The following RAB39A variants were observed in gnomAD, a reference collection of about 807,000 sequenced individuals.
RAB39A encodes the protein RAB39A, member RAS oncogene family, also known as ras-related protein Rab-39A.
RAB39A carries 17 observed loss-of-function variants against 20.9 expected under a neutral mutation model. The observed-to-expected ratio is 0.81, with a 90% CI of 0.56 to 1.22. The LOEUF (loss-of-function observed/expected upper bound fraction) is 1.22, where lower values mean the gene tolerates loss of function less well. Among genes scored for constraint, RAB39A ranks in the 50% most tolerant of loss-of-function variants. The pLI, the probability that RAB39A is intolerant of heterozygous loss-of-function variation, is 0.00. For synonymous variants in RAB39A, 99 were observed against 103.4 expected (o/e 0.96, Z 0.26); for missense variants, 234 against 270.5 (o/e 0.87, Z 0.95).
Position 107,962,223 on chromosome 11 carries a change from A to G in RAB39A, c.505A>G (p.Thr169Ala). The G allele has an allele frequency of 2.5e-6, 4 of 1,614,090 alleles. No individual in the cohort carries two copies. The highest frequency in any genetic ancestry group is 3.4e-6 in the Non-Finnish European group (4 of 1,179,974). ...TGCTACAAATGTTGAAGAATCCTTCACAATCTTGACGAGAGACATATATGA... is the reference window on the plus strand; with the variant it reads ...TGCTACAAATGTTGAAGAATCCTTCGCAATCTTGACGAGAGACATATATGA... The part of the protein sequence containing the change: ...KDATNVEESF[T>A]ILTRDIYELI... The change falls in exon 2 of 2, where the codon ACA becomes GCA. Residue 169 changes from threonine (T) to alanine (A), a missense_variant. Transcript: ENST00000320578.
chr11:107,943,913 G>A (rs1861283905), intron 1 of RAB39A, among the ~76,000 whole-genome samples: 3 of 152,064 alleles, frequency 2.0e-5, no homozygotes, highest in Admixed American at 2.0e-4. Context: ...TGGCCAACAT[G>A]GTGAAACCCC....
Position 107,928,465 on chromosome 11 carries a change from G to T in RAB39A, c.-104G>T. 1 of 845,176 alleles carries T rather than the reference G, an allele frequency of 1.2e-6. No individual in the cohort carries two copies. Among genetic ancestry groups the T allele is most frequent in the Non-Finnish European group, 1.6e-6 (1 of 608,778 alleles). 52.4% of individuals were successfully genotyped at this position (845,176 alleles called of 1,614,324 possible). ...GCGGCCGCAGCCGCAGGAATATGCT[G>T]GAAGGCGGCGGGCGGGCGCCCGCGA... On this transcript the variant is annotated 5_prime_UTR_variant, in exon 1 of 2. Coordinates refer to ENST00000320578, the MANE Select transcript of RAB39A (RefSeq NM_017516.3). This position sits in a 1 kb window ranked among gnomAD's most constrained non-coding sequence, Gnocchi z 4.9.
chr11:107,942,792 G>GGT lies in RAB39A; in HGVS notation c.227+14014_227+14015dup, dbSNP rs151233116. On this transcript the variant is annotated intron_variant, in intron 1 of 1. Transcript: ENST00000320578. Reference sequence around the variant, plus strand: ...CAAGTTTTAATGGCATGTTGTATGGGGTGTGTGTGTGTGTGTGTATGTCTC... The same window carrying GGT: ...CAAGTTTTAATGGCATGTTGTATGGGGTGTGTGTGTGTGTGTGTGTATGTCTC... 2.8e-3 allele frequency among the ~76,000 whole-genome samples: 427 copies of GGT among 150,448 alleles called. 1 individual carries two copies. Among genetic ancestry groups the GGT allele is most frequent in the African/African-American group, 7.4e-3 (305 of 41,144 alleles).
intron 1 of RAB39A, among the ~76,000 whole-genome samples, chr11:107,959,727 G>A (rs1861476259): frequency 6.6e-6 from 1 of 152,198 alleles, no homozygotes; most frequent in East Asian, 1.9e-4. Context: ...GAACTGAGCT[G>A]TGATTTCAGC....
chr11:107,962,543 C>G lies in RAB39A; in HGVS notation c.*171C>G. ...AGCATGATGCTTACTTGTTACACTACTAGATTGGGTATTTTGCTAAATTAC... is the reference window on the plus strand; with the variant it reads ...AGCATGATGCTTACTTGTTACACTAGTAGATTGGGTATTTTGCTAAATTAC... On this transcript the variant is annotated 3_prime_UTR_variant, in exon 2 of 2. Coordinates refer to ENST00000320578, the MANE Select transcript of RAB39A (RefSeq NM_017516.3). 1.7e-6 allele frequency: 1 copy of G among 582,274 alleles called. No individual in the cohort carries two copies. The highest frequency in any genetic ancestry group is 2.8e-6 in the Non-Finnish European group (1 of 360,736). 36.1% of individuals were successfully genotyped at this position (582,274 alleles called of 1,614,324 possible). A position where few individuals can be genotyped will look rare whatever the true frequency, so the allele number is the denominator to read the frequency against.
At chr11:107,958,766 C>A (rs999983703) in intron 1 of RAB39A, among the ~76,000 whole-genome samples, 2 of 151,892 alleles carry the variant, frequency 1.3e-5, no homozygotes, top group African/African-American at 4.8e-5. Context: ...AAATTAAATA[C>A]AATCAGTTAA....
intron 1 of RAB39A, among the ~76,000 whole-genome samples, chr11:107,952,581 C>G (rs4028254): frequency 0.098 from 14,802 of 150,736 alleles, 961 homozygotes; most frequent in Non-Finnish European, 0.15. Flanking sequence ...AACTCTGTCT[C>G]AAAAATAAAA....
At chr11:107,947,906 A>G (rs2134965133) in intron 1 of RAB39A, among the ~76,000 whole-genome samples, 1 of 152,112 alleles carries the variant, frequency 6.6e-6, no homozygotes, top group Non-Finnish European at 1.5e-5. Context: ...TCAATATGCA[A>G]GATTTCAAAA....
intron 1 of RAB39A, among the ~76,000 whole-genome samples, chr11:107,946,763 C>T (rs577664944): frequency 2.9e-4 from 44 of 151,080 alleles, no homozygotes; most frequent in Middle Eastern, 3.4e-3. Flanking sequence ...CGTGAGCCAC[C>T]GCGCCCAGCC....
In RAB39A at chr11:107,954,810, C is replaced by T. The variant is rs1030599545; in HGVS notation, c.228-7136C>T. Among the ~76,000 whole-genome samples, 5 of 152,138 alleles carry T rather than the reference C, an allele frequency of 3.3e-5. No individual in the cohort carries two copies. In the South Asian group the frequency reaches 6.2e-4, roughly 19 times the overall value. ...CGCATATTCCTTCCTATATATGTGA[C>T]CTCTCCTTGGTGATGAAGCTCCAGC... On this transcript the variant is annotated intron_variant, in intron 1 of 1. Coordinates refer to ENST00000320578, the MANE Select transcript of RAB39A (RefSeq NM_017516.3).
intron 1 of RAB39A, among the ~76,000 whole-genome samples, chr11:107,946,457 TA>T (rs1565464336): frequency 1.5e-3 from 68 of 44,078 alleles, no homozygotes; most frequent in East Asian, 2.4e-3. Flanking sequence ...TATATATATA[TA>T]TATTTTTTTT....
intron 1 of RAB39A, among the ~76,000 whole-genome samples, chr11:107,959,318 C>CT (rs1861471564): frequency 6.6e-6 from 1 of 152,154 alleles, no homozygotes; most frequent in South Asian, 2.1e-4. Flanking sequence ...AGCTTTCAGT[C>CT]TAAGAACATA....
chr11:107,961,785 T>C (rs913294528), intron 1 of RAB39A, among the ~76,000 whole-genome samples, 161 bp from the exon 2 acceptor site: 3 of 152,342 alleles, frequency 2.0e-5, no homozygotes, highest in Middle Eastern at 6.8e-3. Flanking sequence ...ATTAGTCCCA[T>C]AGAATATTTT....
chr11:107,941,030 C>T (rs370238783), intron 1 of RAB39A, among the ~76,000 whole-genome samples: 13 of 151,910 alleles, frequency 8.6e-5, no homozygotes, highest in African/African-American at 2.4e-4. Flanking sequence ...TAGGTAGATA[C>T]TAGGAAGTTC....
At chr11:107,952,864 A>G (rs1260382671) in intron 1 of RAB39A, among the ~76,000 whole-genome samples, 1 of 152,204 alleles carries the variant, frequency 6.6e-6, no homozygotes, top group Non-Finnish European at 1.5e-5. Context: ...GCCTGGTGAC[A>G]GAACGAGACT....
At chr11:107,955,673 T>C (rs1861427646) in intron 1 of RAB39A, among the ~76,000 whole-genome samples, 5 of 152,128 alleles carry the variant, frequency 3.3e-5, no homozygotes, top group Admixed American at 3.3e-4. Flanking sequence ...ATCCCATCTC[T>C]ACTAAAAATA....
intron 1 of RAB39A, among the ~76,000 whole-genome samples, chr11:107,955,422 G>A (rs1861424126): frequency 6.6e-6 from 1 of 152,118 alleles, no homozygotes; most frequent in African/African-American, 2.4e-5. Context: ...ATGGACCATG[G>A]GCCAAGTGGG....
chr11:107,937,625 T>C (rs1469681241), intron 1 of RAB39A, among the ~76,000 whole-genome samples: 1 of 151,738 alleles, frequency 6.6e-6, no homozygotes, highest in Non-Finnish European at 1.5e-5. Context: ...AAGCTCCGCC[T>C]CCTGGGTTCA....
rs1861494591 is a variant in RAB39A at position 107,961,419 on chromosome 11, C to T, written c.228-527C>T. 2.6e-5 allele frequency among the ~76,000 whole-genome samples: 4 copies of T among 152,242 alleles called. No homozygotes were observed. The South Asian group carries it at 8.3e-4, about 32-fold the overall frequency. ...AATTACATCCCAAAGGCCCCTCCTC[C>T]TAATCCTAATACCACCACATTAGGG... On this transcript the variant is annotated intron_variant, in intron 1 of 1. Coordinates refer to ENST00000320578, the MANE Select transcript of RAB39A (RefSeq NM_017516.3).
Sources: allele counts gnomAD v4.1 joint callset (sites outside exome capture counted in the v4.1 genomes callset), GRCh38; gene constraint gnomAD v4.1.1; non-coding constraint Gnocchi (gnomAD v3.1); transcripts MANE v1.5; gene names NCBI Gene and HGNC (gene_info 2026-07-23, HGNC 2026-07-21).